The following SLC25A21 variants were observed in gnomAD, a reference collection of about 807,000 sequenced individuals.
The protein encoded by SLC25A21 is mitochondrial 2-oxodicarboxylate carrier.
In SLC25A21, 47 loss-of-function variants were observed where a neutral mutation model predicts 43.8. The observed-to-expected ratio is 1.07, with a 90% CI of 0.85 to 1.37. The LOEUF (loss-of-function observed/expected upper bound fraction) is 1.37. Among genes scored for constraint, SLC25A21 ranks in the 40% most tolerant of loss-of-function variants. The pLI is 0.00. For synonymous variants in SLC25A21, 131 were observed against 121.3 expected (o/e 1.08, Z -0.52); for missense variants, 352 against 350.2 (o/e 1.00, Z -0.04).
At chr14:36,908,442 T>A (rs1186405776) in intron 1 of SLC25A21, among the ~76,000 whole-genome samples, 1 of 152,152 alleles carries the variant, frequency 6.6e-6, no homozygotes, top group Non-Finnish European at 1.5e-5. Context: ...TTAGAAAGCA[T>A]TCCCAGCAAA....
chr14:36,800,250 T>G (rs897298309), intron 3 of SLC25A21, among the ~76,000 whole-genome samples: 1 of 152,158 alleles, frequency 6.6e-6, no homozygotes, highest in Non-Finnish European at 1.5e-5. Flanking sequence ...AAGCAGAGAC[T>G]TCAACAGATA....
At chr14:37,097,617 T>A (rs180947390) in intron 1 of SLC25A21, among the ~76,000 whole-genome samples, 5 of 152,240 alleles carry the variant, frequency 3.3e-5, no homozygotes, top group Admixed American at 3.3e-4. Flanking sequence ...GCGTCGTGGC[T>A]CACACCTGTA....
chr14:36,691,545 C>T (rs1057382453), intron 7 of SLC25A21, among the ~76,000 whole-genome samples: 3 of 152,134 alleles, frequency 2.0e-5, no homozygotes, highest in African/African-American at 7.2e-5. Context: ...TGCTCAATTG[C>T]AAGGGCAAGC....
At chr14:36,711,040 A>G (rs1028625560) in intron 7 of SLC25A21, among the ~76,000 whole-genome samples, 7 of 152,220 alleles carry the variant, frequency 4.6e-5, no homozygotes, top group African/African-American at 1.7e-4. Context: ...AGGTGTAAAA[A>G]TAGCTTCTTC....
chr14:36,951,461 T>C (rs920745409), intron 1 of SLC25A21, among the ~76,000 whole-genome samples: 3 of 152,152 alleles, frequency 2.0e-5, no homozygotes, highest in Non-Finnish European at 4.4e-5. Flanking sequence ...CCAAACCCCT[T>C]ACAAACCAAT....
intron 2 of SLC25A21, among the ~76,000 whole-genome samples, chr14:36,826,287 CTGTTCTCCTGCAG>C (rs1442936981): frequency 6.6e-6 from 1 of 152,194 alleles, no homozygotes; most frequent in African/African-American, 2.4e-5. Context: ...AATTACCCTC[CTGTTCTCCTGCAG>C]TGTTCTCCTC....
At chr14:36,689,045 AAG>A (rs1258513016) in intron 7 of SLC25A21, among the ~76,000 whole-genome samples, 7 of 152,222 alleles carry the variant, frequency 4.6e-5, no homozygotes, top group Non-Finnish European at 1.0e-4. Flanking sequence ...GCTGCTGATA[AAG>A]ACATACCTGA....
intron 1 of SLC25A21, among the ~76,000 whole-genome samples, chr14:37,015,507 T>A (rs1960833175): frequency 6.6e-6 from 1 of 152,030 alleles, no homozygotes; most frequent in Admixed American, 6.6e-5. Context: ...GACATACGTG[T>A]GCATGTGTCT....
chr14:37,051,867 A>G (rs766357567), intron 1 of SLC25A21, among the ~76,000 whole-genome samples: 4 of 152,086 alleles, frequency 2.6e-5, no homozygotes, highest in Non-Finnish European at 5.9e-5. Context: ...GGGCCTTCCT[A>G]TTGGTTGAAC....
At chr14:36,805,232 C>T (rs1046969759) in intron 3 of SLC25A21, among the ~76,000 whole-genome samples, 1 of 152,172 alleles carries the variant, frequency 6.6e-6, no homozygotes, top group African/African-American at 2.4e-5. Flanking sequence ...TTCACTTACT[C>T]TTTGGCAACA....
intron 1 of SLC25A21, among the ~76,000 whole-genome samples, chr14:37,011,553 T>C (rs890803711): frequency 2.6e-5 from 4 of 152,224 alleles, no homozygotes; most frequent in African/African-American, 9.6e-5. Flanking sequence ...AGCACCTTGA[T>C]GTCTGGTGTA....
In SLC25A21 at chr14:36,969,044, A is replaced by G. The variant is rs115960640; in HGVS notation, c.71-94040T>C. Among the ~76,000 whole-genome samples the G allele has an allele frequency of 7.7e-3, 1,173 of 152,356 alleles. 13 individuals carry two copies. The highest frequency in any genetic ancestry group is 0.027 in the African/African-American group (1,121 of 41,568). On this transcript the variant is annotated intron_variant, in intron 1 of 9. Coordinates refer to ENST00000331299, the MANE Select transcript of SLC25A21 (RefSeq NM_030631.4). ...TTTAATTATGAAGTTGCGGAGACAT[A>G]AAAATCCAAAGATGATGTCAGAAAT...
At chr14:36,731,065 C>T (rs1036902383) in intron 4 of SLC25A21, among the ~76,000 whole-genome samples, 2 of 151,700 alleles carry the variant, frequency 1.3e-5, no homozygotes, top group Non-Finnish European at 2.9e-5. Flanking sequence ...CTCCGCCTCC[C>T]GGGTTCACGC....
chr14:36,864,772 G>A (rs894834200), intron 2 of SLC25A21, among the ~76,000 whole-genome samples: 2 of 152,174 alleles, frequency 1.3e-5, no homozygotes, highest in Non-Finnish European at 2.9e-5. Context: ...TGGTTAGAAA[G>A]AAGCCATGAC....
intron 1 of SLC25A21, among the ~76,000 whole-genome samples, chr14:37,015,027 T>G (rs1361294496): frequency 1.3e-5 from 2 of 152,054 alleles, no homozygotes; most frequent in African/African-American, 4.8e-5. Flanking sequence ...CACAGCAGAT[T>G]TGGCATAATT....
intron 1 of SLC25A21, among the ~76,000 whole-genome samples, chr14:36,931,413 G>A (rs945150791): frequency 6.6e-6 from 1 of 152,096 alleles, no homozygotes; most frequent in African/African-American, 2.4e-5. Flanking sequence ...TCTTTGCCAA[G>A]GTGTCGAGGT....
chr14:37,081,578 A>C (rs1193157415), intron 1 of SLC25A21, among the ~76,000 whole-genome samples: 2 of 152,234 alleles, frequency 1.3e-5, no homozygotes, highest in East Asian at 3.8e-4. Context: ...TAAGGCCCAC[A>C]AACAAAGAGG....
chr14:37,157,673 C>T (rs1343849576), intron 1 of SLC25A21, among the ~76,000 whole-genome samples: 4 of 151,916 alleles, frequency 2.6e-5, no homozygotes, highest in Admixed American at 6.6e-5. Context: ...AACAATGCAC[C>T]TCAAGGAACT....
At chr14:37,023,430 A>C (rs1321116684) in intron 1 of SLC25A21, among the ~76,000 whole-genome samples, 1 of 151,994 alleles carries the variant, frequency 6.6e-6, no homozygotes, top group African/African-American at 2.4e-5. Context: ...CTTAAAAAAA[A>C]AATCAGTGTT....
Sources: gnomAD v4.1 joint callset for allele counts (sites outside exome capture counted in the v4.1 genomes callset) on GRCh38, gnomAD v4.1.1 for gene constraint, MANE v1.5 for transcripts, NCBI Gene and HGNC (gene_info 2026-07-23, HGNC 2026-07-21) for gene names.